SEMA3A: variants seen among roughly 807,000 people sequenced by gnomAD.
SEMA3A encodes semaphorin 3A.
SEMA3A carries 29 observed loss-of-function variants against 97.9 expected under a neutral mutation model. That is an observed-to-expected ratio of 0.30 (90% CI 0.22 to 0.40). The LOEUF (loss-of-function observed/expected upper bound fraction) is 0.40. SEMA3A is among the 10% of genes least tolerant of loss of function. The pLI is 1.00. For missense variants in SEMA3A, 763 were observed against 951.3 expected (o/e 0.80, Z 2.60); for synonymous variants, 321 against 323.7 (o/e 0.99, Z 0.09).
intron 3 of SEMA3A, among the ~76,000 whole-genome samples, chr7:84,237,348 C>T (rs1799258484): frequency 6.6e-6 from 1 of 152,080 alleles, no homozygotes; most frequent in African/African-American, 2.4e-5. Flanking sequence ...ATTAGCCACT[C>T]ATTGTCTTAC....
chr7:84,152,052 G>C (rs938512696), intron 1 of SEMA3A, among the ~76,000 whole-genome samples: 2 of 149,878 alleles, frequency 1.3e-5, no homozygotes, highest in African/African-American at 4.9e-5. Flanking sequence ...ACAGGTGCTG[G>C]AGAGGATGTG....
chr7:84,004,944 G>C (rs958598709), intron 11 of SEMA3A, among the ~76,000 whole-genome samples: 16 of 152,114 alleles, frequency 1.1e-4, no homozygotes, highest in African/African-American at 3.6e-4. Flanking sequence ...CCTTGGGAGA[G>C]CAATGTCAAC....
intron 1 of SEMA3A, among the ~76,000 whole-genome samples, chr7:84,382,826 C>T (rs929015405): frequency 2.0e-5 from 3 of 151,646 alleles, no homozygotes; most frequent in Non-Finnish European, 1.5e-5. Flanking sequence ...TGTAGTGAGC[C>T]GAGATCATGC....
At chr7:83,974,744 T>C (rs10265360) in intron 15 of SEMA3A, among the ~76,000 whole-genome samples, 59,960 of 151,728 alleles carry the variant, frequency 0.4, 12,375 homozygotes, top group Middle Eastern at 0.49. Flanking sequence ...TTAGTGTAAT[T>C]TATGGTGTAT....
chr7:84,308,569 G>A (rs1801225627), intron 2 of SEMA3A, among the ~76,000 whole-genome samples: 1 of 152,152 alleles, frequency 6.6e-6, no homozygotes, highest in South Asian at 2.1e-4. Flanking sequence ...GAATGGAGTT[G>A]AAGAGAGTGA....
chr7:84,166,198 C>A (rs1304631889), intron 1 of SEMA3A, among the ~76,000 whole-genome samples: 3 of 151,720 alleles, frequency 2.0e-5, no homozygotes, highest in Non-Finnish European at 4.4e-5. Context: ...ATCACTTGGG[C>A]CCAGGAAGTC....
chr7:84,275,030 G>A (rs984771559), intron 3 of SEMA3A, among the ~76,000 whole-genome samples: 4 of 151,880 alleles, frequency 2.6e-5, no homozygotes, highest in African/African-American at 9.7e-5. Flanking sequence ...GTTTCACTCT[G>A]CCACTTAATA....
chr7:84,264,198 CT>C, intron 3 of SEMA3A, among the ~76,000 whole-genome samples: 1 of 152,016 alleles, frequency 6.6e-6, no homozygotes, highest in Non-Finnish European at 1.5e-5. Flanking sequence ...GTTTAGAAAT[CT>C]TTCTCAGCTA....
chr7:84,110,335 T>G (rs1795239141), intron 4 of SEMA3A, 135 bp downstream of exon 4: 2 of 900,180 alleles, frequency 2.2e-6, no homozygotes, highest in Non-Finnish European at 3.4e-6. Flanking sequence ...TTAAAATTAA[T>G]AACAGCATCT....
chr7:83,977,426 C>A (rs1163798308), intron 14 of SEMA3A, among the ~76,000 whole-genome samples: 1 of 152,006 alleles, frequency 6.6e-6, no homozygotes, highest in Non-Finnish European at 1.5e-5. Flanking sequence ...TCCAAATGTA[C>A]TAACAACATG....
intron 1 of SEMA3A, among the ~76,000 whole-genome samples, chr7:84,155,620 A>G (rs995249633): frequency 6.6e-6 from 1 of 152,142 alleles, no homozygotes; most frequent in Non-Finnish European, 1.5e-5. Flanking sequence ...TACACTCATT[A>G]TCTTAATCTA....
intron 1 of SEMA3A, among the ~76,000 whole-genome samples, chr7:84,481,681 A>C (rs531437443): frequency 2.0e-5 from 3 of 152,154 alleles, no homozygotes; most frequent in Non-Finnish European, 4.4e-5. Context: ...TCAGCTAATT[A>C]TATTGCACCA....
At chr7:84,464,935 C>T (rs545030534) in intron 1 of SEMA3A, among the ~76,000 whole-genome samples, 13 of 152,114 alleles carry the variant, frequency 8.5e-5, no homozygotes, top group African/African-American at 2.2e-4. Context: ...TTCAAGGCCA[C>T]GTGACTATAC....
intron 1 of SEMA3A, among the ~76,000 whole-genome samples, chr7:84,378,114 T>A (rs1039901142): frequency 3.9e-5 from 6 of 152,134 alleles, no homozygotes; most frequent in African/African-American, 1.4e-4. Flanking sequence ...TGAGAACAGA[T>A]TATCTAAGGC....
intron 4 of SEMA3A, among the ~76,000 whole-genome samples, chr7:84,103,266 T>A (rs1483525573): frequency 1.3e-5 from 2 of 152,242 alleles, no homozygotes; most frequent in South Asian, 2.1e-4. Context: ...ACTTTGGTCC[T>A]TAGTTGGCAG....
At chr7:84,066,643 C>A (rs1325721231) in intron 4 of SEMA3A, among the ~76,000 whole-genome samples, 2 of 149,522 alleles carry the variant, frequency 1.3e-5, no homozygotes, top group Non-Finnish European at 3.0e-5. Flanking sequence ...AAACAGAGAG[C>A]CAAATCATGA....
At chr7:84,348,917 GAGGTTGA>G (rs1802371993) in intron 2 of SEMA3A, among the ~76,000 whole-genome samples, 1 of 151,772 alleles carries the variant, frequency 6.6e-6, no homozygotes, top group Admixed American at 6.6e-5. Flanking sequence ...CCGGGTGGCG[GAGGTTGA>G]AGTAAGCCAA....
chr7:84,171,047 A>G (rs1346226236), intron 1 of SEMA3A, among the ~76,000 whole-genome samples: 6 of 152,068 alleles, frequency 3.9e-5, no homozygotes, highest in African/African-American at 1.4e-4. Flanking sequence ...GAAAAGAAGG[A>G]AAGAACAGAT....
chr7:84,004,125 C>T (rs1008142017), intron 11 of SEMA3A, among the ~76,000 whole-genome samples: 13 of 152,190 alleles, frequency 8.5e-5, no homozygotes, highest in African/African-American at 2.4e-4. Flanking sequence ...GGAGCACTCA[C>T]TCTGTTTCCC....
Sources: allele counts gnomAD v4.1 joint callset (sites outside exome capture counted in the v4.1 genomes callset), GRCh38; gene constraint gnomAD v4.1.1; transcripts MANE v1.5; gene names NCBI Gene and HGNC (gene_info 2026-07-23, HGNC 2026-07-21).